Variants in ZNF717 observed in about 807,000 individuals in gnomAD.
ZNF717 encodes the protein zinc finger protein 717, also known as krueppel-like factor X17.
Under a neutral mutation model 13.8 loss-of-function variants are expected in ZNF717, and 9 were observed. The ratio of observed to expected loss-of-function variants is 0.65; its 90% CI spans 0.39 to 1.14. The LOEUF is 1.14. Among genes scored for constraint, ZNF717 ranks in the 50% most tolerant of loss-of-function variants. The pLI is 0.01. For missense variants in ZNF717, 1,040 were observed against 1,080.7 expected, an observed-to-expected ratio of 0.96 and a Z score of 0.53; for synonymous variants, 327 against 364.1, an observed-to-expected ratio of 0.90 and a Z score of 1.16.
rs770489961 is a variant in ZNF717, at chr3:75,741,585, G to C, written c.184+25C>G. ...TTACCAGCAACAAAATACAATCCTG[G>C]GAGTTACTGGCAAGTTTCACTCACC... On this transcript the variant is annotated intron_variant, in intron 3 of 4. Coordinates refer to ENST00000652011, the MANE Select transcript of ZNF717 (RefSeq NM_001290208.3). The C allele has an allele frequency of 3.2e-6, 5 of 1,587,184 alleles. No homozygotes were observed. In the Admixed American group the frequency reaches 9.0e-5, roughly 29 times the overall value.
chr3:75,772,761 G>A (rs567574198), intron 2 of ZNF717, among the ~76,000 whole-genome samples: 5 of 152,336 alleles, frequency 3.3e-5, no homozygotes, highest in Non-Finnish European at 5.9e-5. Flanking sequence ...TGGACAGAAC[G>A]AACCCAGTGG....
intron 2 of ZNF717, among the ~76,000 whole-genome samples, chr3:75,754,239 C>T (rs75041328): frequency 0.16 from 16,976 of 107,388 alleles, no homozygotes; most frequent in Non-Finnish European, 0.2. Context: ...AGAGCATCAC[C>T]TGCCCTGACA....
At chr3:75,772,399 A>G (rs943443125) in intron 2 of ZNF717, among the ~76,000 whole-genome samples, 2 of 151,904 alleles carry the variant, frequency 1.3e-5, no homozygotes, top group Non-Finnish European at 2.9e-5. Flanking sequence ...TGCAGGCAAG[A>G]AGGAGAGAAG....
chr3:75,715,157 A>C (rs1198580104), intron 5 of ZNF717, among the ~76,000 whole-genome samples: 1 of 152,202 alleles, frequency 6.6e-6, no homozygotes, highest in Admixed American at 6.5e-5. Context: ...TGGCAGTTTG[A>C]CTTTTTAAGA....
chr3:75,780,291 A>C (rs2107736163), intron 2 of ZNF717, among the ~76,000 whole-genome samples: 1 of 152,280 alleles, frequency 6.6e-6, no homozygotes, highest in East Asian at 1.9e-4. Context: ...TGGAACCCAA[A>C]ACAATGGGAG....
At chr3:75,716,795 A>G (rs1575719382) in intron 4 of ZNF717, among the ~76,000 whole-genome samples, 1 of 152,346 alleles carries the variant, frequency 6.6e-6, no homozygotes, top group African/African-American at 2.4e-5. Flanking sequence ...CATGAAAACC[A>G]GGGCAGCCTC....
intron 2 of ZNF717, among the ~76,000 whole-genome samples, chr3:75,766,581 A>G (rs1320694664): frequency 6.6e-6 from 1 of 152,254 alleles, no homozygotes; most frequent in Non-Finnish European, 1.5e-5. Flanking sequence ...GAAGTTGACA[A>G]TCCACAATTA....
intron 4 of ZNF717, 35 bp downstream of exon 4, chr3:75,741,241 C>T (rs1575782201): frequency 1.5e-6 from 2 of 1,340,634 alleles, no homozygotes; most frequent in East Asian, 5.0e-5. Context: ...GGCATTACTC[C>T]TCCAGGCCTC....
At chr3:75,731,538 G>A (rs1458928432), downstream of ZNF717, among the ~76,000 whole-genome samples, 9 of 149,532 alleles carry the variant, frequency 6.0e-5, no homozygotes, top group Non-Finnish European at 1.2e-4. Flanking sequence ...TCCAGCCTGA[G>A]CAACAAAGTG....
In ZNF717 at chr3:75,738,116, C is replaced by T. The variant is rs770035668; in HGVS notation, c.1507G>A (p.Gly503Arg). Residue 503 changes from glycine (G) to arginine (R), a missense_variant, in exon 5 of 5, where the codon GGG becomes AGG. Around this residue, in one of 3 missense-constraint regions of ZNF717, gnomAD observed 873 missense variants for 832.8 expected, o/e 1.05. Coordinates refer to ENST00000652011, the MANE Select transcript of ZNF717 (RefSeq NM_001290208.3). The part of the protein sequence containing the change: ...FLTIHQWTHT[G>R]EKPYECNECG... ...TCATTGCATTCGTAGGGTTTTTCCC[C>T]TGTGTGAGTCCATTGATGGATAGTG... 3 of 595,572 alleles carry T rather than the reference C, an allele frequency of 5.0e-6. No homozygotes were observed. Among genetic ancestry groups the T allele is most frequent in the Middle Eastern group, 4.8e-4 (1 of 2,082 alleles). 36.9% of individuals were successfully genotyped at this position (595,572 alleles called of 1,614,324 possible). A position where few individuals can be genotyped will look rare whatever the true frequency, so the allele number is the denominator to read the frequency against.
chr3:75,736,912 T>C lies in ZNF717; in HGVS notation c.2711A>G (p.Tyr904Cys), dbSNP rs1939321963. Residue 904 changes from tyrosine (Y) to cysteine (C), a missense_variant, in exon 5 of 5, where the codon TAT becomes TGT. By Grantham distance (194) the Tyr-to-Cys change is radical (BLOSUM62 -2). Transcript: ENST00000652011. ...GEKSDVAEAG[Y>C]VFPQNHSFFP ...AAAAGAGTGATTTTGAGGGAACACA[T>C]AGCCTGCCTCAGCTACGTCAGATTT... The C allele has an allele frequency of 4.5e-6, 7 of 1,556,164 alleles. No individual in the cohort carries two copies. In the African/African-American group the frequency reaches 5.5e-5, roughly 12 times the overall value.
Position 75,767,307 on chromosome 3 carries a change from G to A in ZNF717, c.57+15999C>T, listed in dbSNP as rs1262489944. On this transcript the variant is annotated intron_variant, in intron 2 of 4. Transcript: ENST00000652011. ...CTGTGCTTTCAAACAATCCAGCTCG[G>A]CTGCTGCCCTGCTGCAACTATGTGT... Among the ~76,000 whole-genome samples, 27 of 129,818 alleles carry A rather than the reference G, an allele frequency of 2.1e-4. No homozygotes were observed. In the East Asian group the frequency reaches 5.5e-3, roughly 27 times the overall value. The allele number at this position is 129,818 out of a possible 152,430, so 85.2% of individuals were successfully genotyped here.
intron 2 of ZNF717, among the ~76,000 whole-genome samples, chr3:75,746,724 G>T (rs1224564242): frequency 6.6e-6 from 1 of 151,936 alleles, no homozygotes; most frequent in Non-Finnish European, 1.5e-5. Flanking sequence ...CTTGTTGATG[G>T]GTTTTTTCTT....
At chr3:75,743,760 A>T (rs1408480963) in intron 2 of ZNF717, among the ~76,000 whole-genome samples, 1 of 152,248 alleles carries the variant, frequency 6.6e-6, no homozygotes, top group Non-Finnish European at 1.5e-5. Flanking sequence ...TAAAAAGGGG[A>T]GTTTTGTTTC....
At chr3:75,727,785 T>C (rs1410734040), downstream of ZNF717, among the ~76,000 whole-genome samples, 8 of 152,196 alleles carry the variant, frequency 5.3e-5, no homozygotes, top group Non-Finnish European at 8.8e-5. Context: ...CTTTGAAGCA[T>C]GTGATGCTTG....
chr3:75,747,869 AT>A (rs1370491017), intron 2 of ZNF717, among the ~76,000 whole-genome samples: 2 of 66,186 alleles, frequency 3.0e-5, no homozygotes, highest in Non-Finnish European at 8.1e-5. Flanking sequence ...AGATAGAGAC[AT>A]AAAAAACCCT....
intron 2 of ZNF717, among the ~76,000 whole-genome samples, chr3:75,758,472 CAAT>C (rs1414604386): frequency 2.0e-5 from 3 of 148,852 alleles, no homozygotes; most frequent in Non-Finnish European, 4.5e-5. Flanking sequence ...CAATGATTTA[CAAT>C]AATACATAAA....
intron 2 of ZNF717, among the ~76,000 whole-genome samples, chr3:75,762,440 CAA>C (rs36024450): frequency 0.14 from 16,236 of 116,650 alleles, 426 homozygotes; most frequent in African/African-American, 0.16. Context: ...GACTCCATCT[CAA>C]AAAAAAAAAA....
At chr3:75,722,439 T>TG (rs2106867933) in intron 4 of ZNF717, among the ~76,000 whole-genome samples, 1 of 152,318 alleles carries the variant, frequency 6.6e-6, no homozygotes, top group Admixed American at 6.5e-5. Flanking sequence ...TTCAATCTGT[T>TG]GCAATATGTT....
Sources: gnomAD v4.1 joint callset for allele counts (sites outside exome capture counted in the v4.1 genomes callset) on GRCh38, gnomAD v4.1.1 for gene constraint, gnomAD v4.1.1 regional missense constraint, MANE v1.5 for transcripts, NCBI Gene and HGNC (gene_info 2026-07-23, HGNC 2026-07-21) for gene names.